Variants in AFDN observed in about 807,000 individuals in gnomAD.
AFDN encodes afadin.
In AFDN, 68 loss-of-function variants were observed where a neutral mutation model predicts 216.6. That is an observed-to-expected ratio of 0.31 (90% CI 0.26 to 0.38). AFDN has a LOEUF of 0.38. AFDN is among the 10% of genes least tolerant of loss of function. AFDN has a pLI of 1.00. For missense variants in AFDN, 2,136 were observed against 2,342.0 expected, an observed-to-expected ratio of 0.91 and a Z score of 1.82; for synonymous variants, 868 against 853.7, an observed-to-expected ratio of 1.02 and a Z score of -0.29.
rs1037602491 is a variant in AFDN at position 167,898,410 on chromosome 6, T to C, written c.1523T>C (p.Leu508Pro). The C allele has an allele frequency of 3.1e-6, 5 of 1,614,072 alleles. No homozygotes were observed. Among genetic ancestry groups the C allele is most frequent in the Non-Finnish European group, 4.2e-6 (5 of 1,180,032 alleles). Residue 508 changes from leucine to proline, a missense_variant, in exon 11 of 34, where the codon CTT becomes CCT. Leu to Pro is a moderately conservative substitution (Grantham distance 98). Transcript: ENST00000683244. ...GTGGACCCCAGTCAGGATCATGCTC[T>C]TGCAAAAAGATCTGTGGATGGAGGC... is the stretch of plus-strand genomic sequence containing the variant. ...KFVDPSQDHALAKRSVDGGLM... is the reference protein window; with the variant it reads ...KFVDPSQDHAPAKRSVDGGLM...
At chr6:167,917,359 T>C (rs961427204) in intron 20 of AFDN, 127 bp downstream of exon 20, 1 of 1,038,974 alleles carries the variant, frequency 9.6e-7, no homozygotes, top group African/African-American at 1.7e-5. Flanking sequence ...CAAGATCATT[T>C]TCGTGTTGCT....
At chr6:167,897,149 G>A (rs1788364692) in intron 10 of AFDN, among the ~76,000 whole-genome samples, 177 bp downstream of exon 10, 1 of 152,228 alleles carries the variant, frequency 6.6e-6, no homozygotes, top group African/African-American at 2.4e-5. Context: ...ACAGCAGAAT[G>A]TGAGTTTATG....
intron 1 of AFDN, among the ~76,000 whole-genome samples, chr6:167,859,725 T>G (rs936881909): frequency 3.3e-5 from 5 of 152,102 alleles, no homozygotes; most frequent in Non-Finnish European, 7.4e-5. Context: ...CTTTAATTCT[T>G]TATTTCTTAT....
chr6:167,960,042 G>C (rs575045012), intron 30 of AFDN, among the ~76,000 whole-genome samples: 1 of 152,306 alleles, frequency 6.6e-6, no homozygotes, highest in South Asian at 2.1e-4. Flanking sequence ...TATCCTTTAA[G>C]TGTTACTGAA....
chr6:167,939,403 G>A (rs1794414603), intron 23 of AFDN, among the ~76,000 whole-genome samples: 1 of 152,124 alleles, frequency 6.6e-6, no homozygotes, highest in African/African-American at 2.4e-5. Context: ...AGTGCTTGTA[G>A]AACTTTTTAA....
chr6:167,850,984 T>C (rs1281570942), intron 1 of AFDN, among the ~76,000 whole-genome samples: 1 of 152,138 alleles, frequency 6.6e-6, no homozygotes, highest in East Asian at 1.9e-4. Flanking sequence ...TTCTTCTGCC[T>C]CCTGCATTCA....
chr6:167,967,524 G>A (rs1459494534), intron 32 of AFDN, among the ~76,000 whole-genome samples: 1 of 152,144 alleles, frequency 6.6e-6, no homozygotes, highest in African/African-American at 2.4e-5. Context: ...GAAGCAGGAT[G>A]CCATCAGTCT....
chr6:167,876,054 T>A (rs1785333555), intron 5 of AFDN, among the ~76,000 whole-genome samples: 1 of 152,188 alleles, frequency 6.6e-6, no homozygotes, highest in Non-Finnish European at 1.5e-5. Flanking sequence ...TTCTTCTGTT[T>A]GAGATGGGAT....
At chr6:167,936,759 C>T (rs556785881) in intron 23 of AFDN, among the ~76,000 whole-genome samples, 4 of 152,266 alleles carry the variant, frequency 2.6e-5, no homozygotes, top group African/African-American at 9.6e-5. Flanking sequence ...TCAGGGTGCA[C>T]ATTCCAGTCC....
intron 22 of AFDN, among the ~76,000 whole-genome samples, chr6:167,924,513 A>G (rs1338026036): frequency 6.6e-6 from 1 of 152,208 alleles, no homozygotes; most frequent in Non-Finnish European, 1.5e-5. Flanking sequence ...GTGATTTAAA[A>G]TAAAATGACT....
intron 2 of AFDN, among the ~76,000 whole-genome samples, chr6:167,865,734 A>G (rs1784102695): frequency 6.6e-6 from 1 of 152,044 alleles, no homozygotes; most frequent in African/African-American, 2.4e-5. Flanking sequence ...TAAAGGATTT[A>G]TGTATAGCAC....
intron 2 of AFDN, among the ~76,000 whole-genome samples, chr6:167,865,761 C>T (rs1283808241): frequency 6.6e-6 from 1 of 151,330 alleles, no homozygotes; most frequent in Non-Finnish European, 1.5e-5. Flanking sequence ...AATTTGAATA[C>T]CTCTTTTAAG....
chr6:167,962,542 G>T lies in AFDN; in HGVS notation c.4943G>T (p.Arg1648Leu), dbSNP rs199611144. 1 of 1,613,794 alleles carries T rather than the reference G, an allele frequency of 6.2e-7. No individual in the cohort carries two copies. The highest frequency in any genetic ancestry group is 1.7e-5 in the Admixed American group (1 of 60,000). The stretch of plus-strand genomic sequence containing the variant: ...GAGCGCCGGCGGCAGGAGGAGGAGC[G>T]AACAAAACGAGACGCTGAAGAAAAG... ...EEERRRQEEE[R>L]TKRDAEEKRR... The change falls in exon 31 of 34, where the codon CGA becomes CTA. Residue 1648 changes from arginine (R) to leucine (L), a missense_variant. Transcript: ENST00000683244. This position sits in a 1 kb window ranked among gnomAD's most constrained non-coding sequence, Gnocchi z 5.2.
chr6:167,931,384 A>G (rs888411874), intron 23 of AFDN, among the ~76,000 whole-genome samples: 5 of 152,182 alleles, frequency 3.3e-5, no homozygotes, highest in African/African-American at 1.2e-4. Flanking sequence ...TGAATAGATT[A>G]TCTAGTAGAT....
chr6:167,946,656 A>C, intron 26 of AFDN, 51 bp from the exon 27 acceptor site: 1 of 1,457,936 alleles, frequency 6.9e-7, no homozygotes, highest in South Asian at 1.2e-5. Flanking sequence ...AATGATAATC[A>C]GGGTGTTGAA....
At chr6:167,915,511 A>G (rs114423243) in intron 19 of AFDN, 78 bp downstream of exon 19, 3 of 1,494,478 alleles carry the variant, frequency 2.0e-6, no homozygotes, top group African/African-American at 2.8e-5. Context: ...AAGAGCTTCA[A>G]TGCAGCAAAA....
chr6:167,957,100 CCCTG>C (rs1796597449), intron 30 of AFDN, among the ~76,000 whole-genome samples: 1 of 152,150 alleles, frequency 6.6e-6, no homozygotes, highest in Non-Finnish European at 1.5e-5. Flanking sequence ...TCGGGAGGGT[CCCTG>C]CCTGTCTCCA....
In AFDN at chr6:167,924,456, G is replaced by C. The variant is rs1792239097; in HGVS notation, c.3013-549G>C. ...GCCAGGCGGGCTTCACTCAATAGCA[G>C]CGTGCTCTGGGTGTTGCTGCATGAG... On this transcript the variant is annotated intron_variant, in intron 22 of 33. Transcript: ENST00000683244. Among the ~76,000 whole-genome samples the C allele has an allele frequency of 2.6e-5, 4 of 152,332 alleles. No homozygotes were observed. The South Asian group carries it at 8.3e-4, about 32-fold the overall frequency.
rs745542849 is a variant in AFDN at position 167,915,281 on chromosome 6, C to T, written c.2413C>T (p.Leu805=). The T allele has an allele frequency of 1.2e-6, 2 of 1,614,266 alleles. No homozygotes were observed. The highest frequency in any genetic ancestry group is 2.2e-5 in the South Asian group (2 of 91,088). ...GCTCTTCCACTTCATCAATATGTGG[C>T]TGTTCAATAGATTGGTGACCGACCC... ...SQLFHFINMW[L]FNRLVTDPDS... Residue 805 remains leucine, a synonymous_variant, in exon 19 of 34, where the codon CTG becomes TTG. Coordinates refer to ENST00000683244, the MANE Select transcript of AFDN (RefSeq NM_001386888.1).
Sources: allele counts gnomAD v4.1 joint callset (sites outside exome capture counted in the v4.1 genomes callset), GRCh38; gene constraint gnomAD v4.1.1; non-coding constraint Gnocchi (gnomAD v3.1); transcripts MANE v1.5; gene names NCBI Gene and HGNC (gene_info 2026-07-23, HGNC 2026-07-21).